The following DYNC1I2 variants were observed in gnomAD, a reference collection of about 807,000 sequenced individuals.
DYNC1I2 encodes cytoplasmic dynein 1 intermediate chain 2.
A neutral mutation model predicts 88.6 loss-of-function variants in DYNC1I2; 53 were observed. The observed-to-expected ratio is 0.60, with a 90% CI of 0.48 to 0.75. The LOEUF (loss-of-function observed/expected upper bound fraction) is 0.75. Ranked by LOEUF, DYNC1I2 falls within the 30% of genes least tolerant of loss-of-function variation. The probability of loss-of-function intolerance (pLI) is 0.00; values close to 1 mark genes in which losing one functional copy is unlikely to be tolerated. For synonymous variants in DYNC1I2, 198 were observed against 254.6 expected (o/e 0.78, Z 2.12); for missense variants, 458 against 766.6 (o/e 0.60, Z 4.75).
rs1337754866 is a variant in DYNC1I2, at chr2:171,748,528, A to G, written c.*639A>G. 6.6e-6 allele frequency: 1 copy of G among 152,194 alleles called. No homozygotes were observed. The highest frequency in any genetic ancestry group is 6.5e-5 in the Admixed American group (1 of 15,274). The allele number at this position is 152,194 out of a possible 1,614,324, so 9.4% of individuals were successfully genotyped here. On this transcript the variant is annotated 3_prime_UTR_variant, in exon 18 of 18. Coordinates refer to ENST00000397119, the MANE Select transcript of DYNC1I2 (RefSeq NM_001378.3). Reference sequence around the variant, plus strand: ...TGTGAGCAGCCATCTCAAATCCTATAGAGCTGTGTACCCTAAATATACCAT... The same window carrying G: ...TGTGAGCAGCCATCTCAAATCCTATGGAGCTGTGTACCCTAAATATACCAT...
At chr2:171,725,355 G>T (rs75677761) in intron 7 of DYNC1I2, among the ~76,000 whole-genome samples, 222 of 152,270 alleles carry the variant, frequency 1.5e-3, no homozygotes, top group Non-Finnish European at 2.5e-3. Context: ...TGTAGCTACA[G>T]AATTTAGGGT....
At chr2:171,739,189 T>TAAAAGA (rs1689228207) in intron 15 of DYNC1I2, among the ~76,000 whole-genome samples, 1 of 152,130 alleles carries the variant, frequency 6.6e-6, no homozygotes, top group Non-Finnish European at 1.5e-5. Context: ...ATAGTGATTG[T>TAAAAGA]AAAAGAAAAA....
chr2:171,712,763 T>C lies in DYNC1I2; in HGVS notation c.336-4T>C. 6.2e-7 allele frequency: 1 copy of C among 1,612,628 alleles called. No individual in the cohort carries two copies. Among genetic ancestry groups the C allele is most frequent in the East Asian group, 2.2e-5 (1 of 44,806 alleles). ...TGCTTCATGGTTGTCCTACAACCAT[T>C]TAGGACGCTGCATTGGGATACAGAT... On this transcript the variant is annotated splice_region_variant and splice_polypyrimidine_tract_variant and intron_variant, in intron 5 of 17. Coordinates refer to ENST00000397119, the MANE Select transcript of DYNC1I2 (RefSeq NM_001378.3).
chr2:171,746,167 T>G (rs1250277086), intron 17 of DYNC1I2, among the ~76,000 whole-genome samples: 1 of 152,218 alleles, frequency 6.6e-6, no homozygotes, highest in Non-Finnish European at 1.5e-5. Context: ...GAAAATACCT[T>G]GTTTCTTGAA....
chr2:171,736,595 A>G (rs1472941118), intron 15 of DYNC1I2, among the ~76,000 whole-genome samples: 1 of 152,174 alleles, frequency 6.6e-6, no homozygotes, highest in Non-Finnish European at 1.5e-5. Flanking sequence ...TAGCCTTGCC[A>G]TGGGGTAGTA....
At chr2:171,732,995 G>A (rs1048176532) in intron 15 of DYNC1I2, among the ~76,000 whole-genome samples, 2 of 151,940 alleles carry the variant, frequency 1.3e-5, no homozygotes, top group Non-Finnish European at 2.9e-5. Context: ...CTCCTCCCAC[G>A]CTCACCCTTC....
rs781160580 is a variant in DYNC1I2, at chr2:171,715,364, G to A, written c.432G>A (p.Thr144=). Residue 144 remains threonine, a synonymous_variant, in exon 7 of 18, where the codon ACG becomes ACA. Transcript: ENST00000397119. The stretch of plus-strand genomic sequence containing the variant: ...TTAAACTTGGAATGGCTAAAATCAC[G>A]CAAGTCGACTTTCCTCCTCGAGAAA... ...GPIKLGMAKI[T]QVDFPPREIV... 6.6e-5 allele frequency: 104 copies of A among 1,565,358 alleles called. No homozygotes were observed. Among genetic ancestry groups the A allele is most frequent in the Non-Finnish European group, 7.8e-5 (90 of 1,153,714 alleles).
chr2:171,690,524 T>G (rs1442227397), intron 2 of DYNC1I2, among the ~76,000 whole-genome samples: 1 of 152,196 alleles, frequency 6.6e-6, no homozygotes, highest in Non-Finnish European at 1.5e-5. Flanking sequence ...AAAATATGAT[T>G]TTTAAAAACA....
At chr2:171,702,730 G>A (rs1559369963) in intron 3 of DYNC1I2, among the ~76,000 whole-genome samples, 1 of 144,820 alleles carries the variant, frequency 6.9e-6, no homozygotes, top group African/African-American at 2.5e-5. Context: ...TTTGCTGGTA[G>A]TTTTTTTTTT....
chr2:171,712,624 ATTTTTT>A, intron 5 of DYNC1I2, 137 bp from the exon 6 acceptor site: 2 of 511,504 alleles, frequency 3.9e-6, no homozygotes, highest in East Asian at 6.7e-5. Context: ...TTTGTTTTCG[ATTTTTT>A]TTTTTTAATA....
At chr2:171,701,482 TCTTTATGCCAA>T (rs1408213088) in intron 3 of DYNC1I2, among the ~76,000 whole-genome samples, 2 of 152,334 alleles carry the variant, frequency 1.3e-5, no homozygotes, top group East Asian at 3.9e-4. Flanking sequence ...TTGCTGTTTT[TCTTTATGCCAA>T]CTTTTTTTTT....
Position 171,706,564 on chromosome 2 carries a change from G to A in DYNC1I2, c.244G>A (p.Val82Ile), listed in dbSNP as rs1686690870. 1 of 1,611,962 alleles carries A rather than the reference G, an allele frequency of 6.2e-7. No homozygotes were observed. The highest frequency in any genetic ancestry group is 1.1e-5 in the South Asian group (1 of 90,916). ...ESPIVFSEYW[V>I]PPPMSPSSKS... ...CACTTCAGTTTTTTCTGAATACTGG[G>A]GTAAGGAAGTTCCCATAAGTCTTGC... is the stretch of plus-strand genomic sequence containing the variant. Residue 82 changes from valine to isoleucine, a missense_variant and splice_region_variant, in exon 4 of 18, where the codon GTC becomes ATC. This residue lies in a region of DYNC1I2 where 55 missense variants were observed against 57.1 expected (regional missense o/e 0.96). Transcript: ENST00000397119.
chr2:171,734,366 T>C (rs910445074), intron 15 of DYNC1I2, among the ~76,000 whole-genome samples: 4 of 152,204 alleles, frequency 2.6e-5, no homozygotes, highest in African/African-American at 9.6e-5. Flanking sequence ...ACTACACAGC[T>C]AGTTGAGGGG....
At chr2:171,697,819 A>G (rs1685897828) in intron 3 of DYNC1I2, among the ~76,000 whole-genome samples, 1 of 151,984 alleles carries the variant, frequency 6.6e-6, no homozygotes, top group South Asian at 2.1e-4. Context: ...GCACTACTGA[A>G]CTCTAGCCTG....
chr2:171,740,142 G>C (rs187979385), intron 15 of DYNC1I2, among the ~76,000 whole-genome samples: 1 of 152,026 alleles, frequency 6.6e-6, no homozygotes, highest in Non-Finnish European at 1.5e-5. Context: ...TCTCAGTCTC[G>C]ATTTTGCATT....
intron 4 of DYNC1I2, 45 bp downstream of exon 4, chr2:171,706,609 C>G (rs372954111): frequency 1.3e-6 from 2 of 1,558,168 alleles, no homozygotes; most frequent in Admixed American, 1.7e-5. Context: ...TTGCATGCAT[C>G]ACTTTATGTT....
At chr2:171,714,366 A>G (rs1234754274) in intron 6 of DYNC1I2, among the ~76,000 whole-genome samples, 1 of 152,076 alleles carries the variant, frequency 6.6e-6, no homozygotes, top group Non-Finnish European at 1.5e-5. Flanking sequence ...TAGAACTGAA[A>G]AGAATATTTA....
At chr2:171,732,459 A>T (rs992163412) in intron 15 of DYNC1I2, among the ~76,000 whole-genome samples, 1 of 152,192 alleles carries the variant, frequency 6.6e-6, no homozygotes, top group African/African-American at 2.4e-5. Context: ...AAATTTGATG[A>T]TGTTTTTATC....
At chr2:171,699,256 G>A (rs554458924) in intron 3 of DYNC1I2, among the ~76,000 whole-genome samples, 6 of 152,186 alleles carry the variant, frequency 3.9e-5, no homozygotes, top group Non-Finnish European at 7.4e-5. Flanking sequence ...GCAGTGAGCC[G>A]AGATCGCGCC....
Sources: gnomAD v4.1 joint callset for allele counts (sites outside exome capture counted in the v4.1 genomes callset) on GRCh38, gnomAD v4.1.1 for gene constraint, gnomAD v4.1.1 regional missense constraint, MANE v1.5 for transcripts, NCBI Gene and HGNC (gene_info 2026-07-23, HGNC 2026-07-21) for gene names.